HSD17B12: variants seen among roughly 807,000 people sequenced by gnomAD.
HSD17B12 encodes the protein hydroxysteroid 17-beta dehydrogenase 12.
A neutral mutation model predicts 39.3 loss-of-function variants in HSD17B12; 32 were observed. The observed-to-expected ratio is 0.81, with a 90% CI of 0.61 to 1.09. The LOEUF is 1.09. Ranked by LOEUF, HSD17B12 falls within the 50% of genes least tolerant of loss-of-function variation. The pLI is 0.00. For missense variants in HSD17B12, 342 were observed against 382.9 expected, an observed-to-expected ratio of 0.89 and a Z score of 0.89; for synonymous variants, 150 against 146.7, an observed-to-expected ratio of 1.02 and a Z score of -0.16.
chr11:43,679,618 AT>A (rs1354589235), upstream of HSD17B12, among the ~76,000 whole-genome samples: 1 of 152,222 alleles, frequency 6.6e-6, no homozygotes, highest in African/African-American at 2.4e-5. Flanking sequence ...AAAAAGGGAA[AT>A]TTAAAAAAGA....
intron 10 of HSD17B12, 26 bp from the exon 11 acceptor site, chr11:43,855,118 A>G: frequency 6.9e-7 from 1 of 1,446,608 alleles, no homozygotes; most frequent in East Asian, 2.3e-5. Context: ...CTATAATTAC[A>G]TATCTCTCTC....
At chr11:43,788,539 T>C (rs1950837040) in intron 3 of HSD17B12, among the ~76,000 whole-genome samples, 1 of 152,052 alleles carries the variant, frequency 6.6e-6, no homozygotes, top group Admixed American at 6.6e-5. Flanking sequence ...CTAGCCTGCC[T>C]TCCTCTTCCC....
chr11:43,855,981 A>T lies in HSD17B12; in HGVS notation c.*733A>T, dbSNP rs908347374. ...TGTACATTGAGACTGGCAGCCATCT[A>T]TGGTACCACTGAAACCCTGACCCAG... On this transcript the variant is annotated 3_prime_UTR_variant, in exon 11 of 11. Transcript: ENST00000278353. The T allele has an allele frequency of 6.6e-6, 1 of 152,178 alleles. No individual in the cohort carries two copies. The highest frequency in any genetic ancestry group is 2.4e-5 in the African/African-American group (1 of 41,236). The allele number at this position is 152,178 out of a possible 1,614,324, so 9.4% of individuals were successfully genotyped here. A position where few individuals can be genotyped will look rare whatever the true frequency, so the allele number is the denominator to read the frequency against.
At chr11:43,726,362 A>G (rs12800235) in intron 1 of HSD17B12, among the ~76,000 whole-genome samples, 51,247 of 151,918 alleles carry the variant, frequency 0.34, 8,832 homozygotes, top group African/African-American at 0.36. Flanking sequence ...TTCAGGGAAT[A>G]TAAGTAGGTT....
At chr11:43,601,085 TTTTA>T in the HSD17B12 span, among the ~76,000 whole-genome samples, 7 of 151,806 alleles carry the variant, frequency 4.6e-5, no homozygotes, top group African/African-American at 1.2e-4. Context: ...TATTTTTATT[TTTTA>T]TTTATTTATC....
intron 3 of HSD17B12, among the ~76,000 whole-genome samples, chr11:43,766,567 G>A (rs1405977585): frequency 1.3e-5 from 2 of 152,070 alleles, no homozygotes; most frequent in Non-Finnish European, 2.9e-5. Flanking sequence ...TAGATTTCCT[G>A]GTAAATATTA....
At chr11:43,633,390 G>A in the HSD17B12 span, among the ~76,000 whole-genome samples, 31 of 152,124 alleles carry the variant, frequency 2.0e-4, no homozygotes, top group African/African-American at 7.5e-4. Context: ...AAATTAGCAG[G>A]GTGCGGTGGC....
the HSD17B12 span, among the ~76,000 whole-genome samples, chr11:43,592,559 T>C: frequency 1.3e-5 from 2 of 152,200 alleles, no homozygotes; most frequent in African/African-American, 4.8e-5. Flanking sequence ...TGTTTAAATA[T>C]ATTATGTGAG....
the HSD17B12 span, among the ~76,000 whole-genome samples, chr11:43,643,193 T>C: frequency 6.6e-6 from 1 of 152,116 alleles, no homozygotes; most frequent in Non-Finnish European, 1.5e-5. Context: ...TACTAAACAA[T>C]TATTTTATCT....
At chr11:43,712,362 G>A (rs1950075376) in intron 1 of HSD17B12, among the ~76,000 whole-genome samples, 1 of 152,222 alleles carries the variant, frequency 6.6e-6, no homozygotes, top group Non-Finnish European at 1.5e-5. Flanking sequence ...GGGAGGCGGA[G>A]GTTGTAGTGA....
At chr11:43,745,147 A>G (rs1950402007) in intron 1 of HSD17B12, among the ~76,000 whole-genome samples, 1 of 152,218 alleles carries the variant, frequency 6.6e-6, no homozygotes, top group Non-Finnish European at 1.5e-5. Context: ...AAAGGAAGAC[A>G]ATATACATGA....
At position 43,786,997 on chromosome 11, in the gene HSD17B12, G is replaced by A. The variant is rs1235822132; in HGVS notation, c.284-11323G>A. On this transcript the variant is annotated intron_variant, in intron 3 of 10. Coordinates refer to ENST00000278353, the MANE Select transcript of HSD17B12 (RefSeq NM_016142.3). ...CTTGCTCTGTTGCCCAGGCTGGAGG[G>A]CAGTGGTGATCTTGGCTCACTTCAA... is the stretch of plus-strand genomic sequence containing the variant. Among the ~76,000 whole-genome samples, 44 of 152,276 alleles carry A rather than the reference G, an allele frequency of 2.9e-4. 1 individual carries two copies. The highest frequency in any genetic ancestry group is 1.3e-4 in the Non-Finnish European group (9 of 68,012).
chr11:43,676,483 C>T (rs1397246782), upstream of HSD17B12, among the ~76,000 whole-genome samples: 1 of 152,042 alleles, frequency 6.6e-6, no homozygotes, highest in East Asian at 1.9e-4. Flanking sequence ...CCTGAGGGCA[C>T]TGTGTAATTT....
chr11:43,795,911 T>TG lies in HSD17B12; in HGVS notation c.284-2402dup, dbSNP rs752296466. 4.6e-5 allele frequency among the ~76,000 whole-genome samples: 7 copies of TG among 151,926 alleles called. No homozygotes were observed. The South Asian group carries it at 8.3e-4, about 18-fold the overall frequency. On this transcript the variant is annotated intron_variant, in intron 3 of 10. Coordinates refer to ENST00000278353, the MANE Select transcript of HSD17B12 (RefSeq NM_016142.3). Reference sequence around the variant, plus strand: ...AAGCAGGGAAGGGCATGAGGAGTGCTGGGGGGGATGGTTGCATTTATTAAA... The same window carrying TG: ...AAGCAGGGAAGGGCATGAGGAGTGCTGGGGGGGGATGGTTGCATTTATTAAA...
At chr11:43,769,907 A>G (rs556028064) in intron 3 of HSD17B12, among the ~76,000 whole-genome samples, 104 of 152,330 alleles carry the variant, frequency 6.8e-4, no homozygotes, top group African/African-American at 2.2e-3. Flanking sequence ...AGAAGGGCCT[A>G]TTGCAATAAA....
chr11:43,615,300 T>C, the HSD17B12 span, among the ~76,000 whole-genome samples: 1 of 152,234 alleles, frequency 6.6e-6, no homozygotes, highest in Non-Finnish European at 1.5e-5. Flanking sequence ...AGAACTCCAA[T>C]GTCTTCCTAC....
chr11:43,846,392 G>A (rs75275695), intron 9 of HSD17B12, among the ~76,000 whole-genome samples: 4,116 of 152,262 alleles, frequency 0.027, 176 homozygotes, highest in African/African-American at 0.079. Flanking sequence ...TGCTGGGCAC[G>A]GTGGCTCACA....
At chr11:43,811,891 C>A (rs1294909886) in intron 4 of HSD17B12, among the ~76,000 whole-genome samples, 1 of 152,128 alleles carries the variant, frequency 6.6e-6, no homozygotes, top group African/African-American at 2.4e-5. Flanking sequence ...CCTGCCCCAC[C>A]TTCTGGTATC....
the HSD17B12 span, among the ~76,000 whole-genome samples, chr11:43,613,526 T>TA: frequency 0.012 from 1,847 of 152,218 alleles, 16 homozygotes; most frequent in Non-Finnish European, 0.018. Context: ...TGAAGAAAGG[T>TA]AAAAAATGTA....
Sources: gnomAD v4.1 joint callset for allele counts (sites outside exome capture counted in the v4.1 genomes callset) on GRCh38, gnomAD v4.1.1 for gene constraint, MANE v1.5 for transcripts, NCBI Gene and HGNC (gene_info 2026-07-23, HGNC 2026-07-21) for gene names.